The following SGCE variants were observed in gnomAD, a reference collection of about 807,000 sequenced individuals.
SGCE encodes the protein sarcoglycan epsilon.
A neutral mutation model predicts 57.8 loss-of-function variants in SGCE; 26 were observed. The observed-to-expected ratio is 0.45, with a 90% confidence interval of 0.33 to 0.62. SGCE has a LOEUF of 0.62. Ranked by LOEUF, SGCE falls within the 20% of genes least tolerant of loss-of-function variation. The pLI, the probability that SGCE is intolerant of heterozygous loss-of-function variation, is 0.02. For synonymous variants in SGCE, 183 were observed against 189.5 expected, an observed-to-expected ratio of 0.97 and a Z score of 0.28; for missense variants, 468 against 548.6, an observed-to-expected ratio of 0.85 and a Z score of 1.47.
intron 10 of SGCE, chr7:94,587,754 G>C: frequency 6.5e-7 from 1 of 1,534,734 alleles, no homozygotes; most frequent in Non-Finnish European, 8.8e-7. Flanking sequence ...ATTGAAATCT[G>C]ATGAACAATT....
chr7:94,597,760 G>A (rs547586670), intron 9 of SGCE: 1 of 152,238 alleles, frequency 6.6e-6, no homozygotes, highest in Non-Finnish European at 1.5e-5. Flanking sequence ...TGTAATCCCA[G>A]TACTTTGGAG....
chr7:94,594,667 T>C (rs1332212606), intron 9 of SGCE: 1 of 152,108 alleles, frequency 6.6e-6, no homozygotes, highest in Non-Finnish European at 1.5e-5. Flanking sequence ...CATGGTACTG[T>C]AAGATGTTAA....
At chr7:94,600,146 C>T (rs540781524) in intron 7 of SGCE, 15 of 185,296 alleles carry the variant, frequency 8.1e-5, no homozygotes, top group South Asian at 4.8e-4. Flanking sequence ...GAAGTGAAGA[C>T]TTGTTACTCA....
intron 5 of SGCE, among the ~76,000 whole-genome samples, chr7:94,612,170 A>T (rs1801143332): frequency 2.0e-5 from 3 of 152,150 alleles, no homozygotes; most frequent in Non-Finnish European, 4.4e-5. Context: ...CAAGACATTG[A>T]TTTGTATTTG....
At chr7:94,624,122 A>G (rs1039773665) in intron 3 of SGCE, 5 of 396,142 alleles carry the variant, frequency 1.3e-5, no homozygotes, top group African/African-American at 6.2e-5. Context: ...ATTTAACTTT[A>G]TAACAGATAT....
At chr7:94,652,388 A>G (rs1444661895) in intron 1 of SGCE, among the ~76,000 whole-genome samples, 1 of 152,224 alleles carries the variant, frequency 6.6e-6, no homozygotes, top group Non-Finnish European at 1.5e-5. Context: ...TATTTTGGAG[A>G]AAATGTGATC....
At chr7:94,646,883 C>T (rs1396109764) in intron 1 of SGCE, among the ~76,000 whole-genome samples, 1 of 152,058 alleles carries the variant, frequency 6.6e-6, no homozygotes, top group Non-Finnish European at 1.5e-5. Flanking sequence ...CTATACTTTC[C>T]AATAGTATAA....
At chr7:94,617,550 A>G (rs1308307171) in intron 5 of SGCE, 1 of 152,230 alleles carries the variant, frequency 6.6e-6, no homozygotes, top group Non-Finnish European at 1.5e-5. Flanking sequence ...ATTACTTTAT[A>G]GGAAAGAGAA....
At chr7:94,588,060 C>T (rs1388428455) in intron 10 of SGCE, 5 of 1,342,698 alleles carry the variant, frequency 3.7e-6, no homozygotes, top group Admixed American at 7.5e-5. Context: ...AATTAGAAGA[C>T]AATCATGAAT....
At chr7:94,633,274 C>T (rs1805007013) in intron 1 of SGCE, among the ~76,000 whole-genome samples, 1 of 151,910 alleles carries the variant, frequency 6.6e-6, no homozygotes, top group African/African-American at 2.4e-5. Flanking sequence ...AAAGTCCAAC[C>T]CGCAAGAGGT....
At chr7:94,628,381 A>G (rs759696426) in intron 2 of SGCE, 22 bp from the exon 3 acceptor site, 2 of 1,564,016 alleles carry the variant, frequency 1.3e-6, no homozygotes, top group East Asian at 2.2e-5. Context: ...ACAGAGAATT[A>G]AGACATAAGA....
rs534662819 is a variant in SGCE at position 94,627,917 on chromosome 7, T to TA, written c.390+284dup. 1.7e-3 allele frequency: 607 copies of TA among 356,978 alleles called. 3 individuals are homozygous for TA. Among genetic ancestry groups the TA allele is most frequent in the African/African-American group, 0.012 (565 of 48,192 alleles). The allele number at this position is 356,978 out of a possible 1,614,324, so 22.1% of individuals were successfully genotyped here. On this transcript the variant is annotated intron_variant, in intron 3 of 10. Coordinates refer to ENST00000648936, the MANE Select transcript of SGCE (RefSeq NM_003919.3). ...CAAATAAGTCTATCAAGTCTACAAT[T>TA]ATTTTCTCAAATAGAATTCATATTA... is the stretch of plus-strand genomic sequence containing the variant.
intron 5 of SGCE, among the ~76,000 whole-genome samples, chr7:94,612,860 A>G (rs2116829456): frequency 6.6e-6 from 1 of 152,224 alleles, no homozygotes; most frequent in Admixed American, 6.5e-5. Context: ...CTCAAGCACC[A>G]TCTCTTTGAC....
At chr7:94,602,657 CATATA>C (rs202196448) in intron 6 of SGCE, among the ~76,000 whole-genome samples, 3,117 of 151,778 alleles carry the variant, frequency 0.021, 66 homozygotes, top group Non-Finnish European at 0.028. Flanking sequence ...TATATACAGA[CATATA>C]ATATAAAATA....
At chr7:94,625,587 T>C (rs970062133) in intron 3 of SGCE, 1 of 152,148 alleles carries the variant, frequency 6.6e-6, no homozygotes, top group Non-Finnish European at 1.5e-5. Flanking sequence ...ATTGCATGAA[T>C]GCTTAAAGCA....
At chr7:94,615,744 C>A (rs769371632) in intron 5 of SGCE, among the ~76,000 whole-genome samples, 19 of 152,172 alleles carry the variant, frequency 1.2e-4, no homozygotes, top group Non-Finnish European at 2.1e-4. Context: ...CTTTAATCCT[C>A]ACACCCCATC....
intron 5 of SGCE, among the ~76,000 whole-genome samples, chr7:94,608,866 T>C (rs558912030): frequency 6.6e-4 from 100 of 152,300 alleles, no homozygotes; most frequent in African/African-American, 2.3e-3. Context: ...ACTAGACTTA[T>C]ACATGTAAAA....
intron 3 of SGCE, chr7:94,624,214 C>G (rs767017229): frequency 5.1e-6 from 2 of 394,286 alleles, no homozygotes; most frequent in Non-Finnish European, 8.9e-6. Flanking sequence ...AATCCCAGCA[C>G]TAACCTTCTG....
chr7:94,648,528 A>G (rs925233752), intron 1 of SGCE, among the ~76,000 whole-genome samples: 2 of 152,164 alleles, frequency 1.3e-5, no homozygotes, highest in Non-Finnish European at 2.9e-5. Context: ...CTAGACTTCT[A>G]GCAGTAAAAC....
Sources: gnomAD v4.1 joint callset for allele counts (sites outside exome capture counted in the v4.1 genomes callset) on GRCh38, gnomAD v4.1.1 for gene constraint, MANE v1.5 for transcripts, NCBI Gene and HGNC (gene_info 2026-07-23, HGNC 2026-07-21) for gene names.